FHIT: variants seen among roughly 807,000 people sequenced by gnomAD.
FHIT encodes the protein fragile histidine triad diadenosine triphosphatase.
Under a neutral mutation model 17.9 loss-of-function variants are expected in FHIT, and 19 were observed. The ratio of observed to expected loss-of-function variants is 1.06; its 90% CI spans 0.74 to 1.56. The LOEUF (loss-of-function observed/expected upper bound fraction) is 1.56, where lower values mean the gene tolerates loss of function less well. FHIT is among the 40% of genes most tolerant of loss of function. FHIT has a pLI of 0.00. For synonymous variants in FHIT, 81 were observed against 69.7 expected, an observed-to-expected ratio of 1.16 and a Z score of -0.81; for missense variants, 248 against 189.2, an observed-to-expected ratio of 1.31 and a Z score of -1.82.
chr3:60,213,466 T>C lies in FHIT; in HGVS notation c.104-199314A>G, dbSNP rs879693873. Among the ~76,000 whole-genome samples the C allele has an allele frequency of 2.6e-5, 4 of 152,212 alleles. No homozygotes were observed. In the South Asian group the frequency reaches 6.2e-4, roughly 24 times the overall value. The stretch of plus-strand genomic sequence containing the variant: ...GGGGCATATTCCTGTGATTCAGACA[T>C]TGGACAGACCCAAGTCAAGCTCCCA... On this transcript the variant is annotated intron_variant, in intron 5 of 9. Coordinates refer to ENST00000492590, the MANE Select transcript of FHIT (RefSeq NM_002012.4).
chr3:61,012,925 G>C lies in FHIT; in HGVS notation c.-111+29122C>G, dbSNP rs184834956. Among the ~76,000 whole-genome samples, 450 of 152,002 alleles carry C rather than the reference G, an allele frequency of 3.0e-3. 2 individuals carry two copies. Among genetic ancestry groups the C allele is most frequent in the African/African-American group, 0.011 (442 of 41,540 alleles). On this transcript the variant is annotated intron_variant, in intron 3 of 9. Coordinates refer to ENST00000492590, the MANE Select transcript of FHIT (RefSeq NM_002012.4). ...ACAAATGAATGAAATATGACTTATA[G>C]AGAAAGGAATGGTGCACAATTTTCA...
intron 5 of FHIT, among the ~76,000 whole-genome samples, chr3:60,327,268 G>C (rs1026341697): frequency 3.9e-5 from 6 of 152,192 alleles, no homozygotes; most frequent in African/African-American, 1.4e-4. Context: ...CCCCAGGACT[G>C]GATGACAGAG....
At chr3:59,818,917 A>T (rs2106645151) in intron 8 of FHIT, among the ~76,000 whole-genome samples, 1 of 152,356 alleles carries the variant, frequency 6.6e-6, no homozygotes, top group African/African-American at 2.4e-5. Context: ...ATATGACACT[A>T]GCCCTCGGCT....
chr3:60,084,552 G>A (rs541594998), intron 5 of FHIT, among the ~76,000 whole-genome samples: 9 of 149,588 alleles, frequency 6.0e-5, no homozygotes, highest in Middle Eastern at 3.4e-3. Flanking sequence ...AAGGAGAGAT[G>A]GCATCACATT....
At chr3:59,907,024 C>T (rs1043701438) in intron 8 of FHIT, among the ~76,000 whole-genome samples, 5 of 152,148 alleles carry the variant, frequency 3.3e-5, no homozygotes, top group African/African-American at 9.7e-5. Flanking sequence ...CATAGAATCA[C>T]AAAGTATCAG....
intron 4 of FHIT, among the ~76,000 whole-genome samples, chr3:60,539,184 T>C (rs1325525206): frequency 1.3e-5 from 2 of 151,966 alleles, no homozygotes; most frequent in Non-Finnish European, 2.9e-5. Flanking sequence ...AACAGACACA[T>C]GAAAAAATGC....
At chr3:60,489,039 T>G (rs778176754) in intron 5 of FHIT, among the ~76,000 whole-genome samples, 21 of 152,136 alleles carry the variant, frequency 1.4e-4, no homozygotes, top group Non-Finnish European at 2.5e-4. Context: ...TCCAATGAGT[T>G]GGGATTTCCA....
intron 5 of FHIT, among the ~76,000 whole-genome samples, chr3:60,492,410 G>T (rs957000710): frequency 6.6e-6 from 1 of 152,094 alleles, no homozygotes; most frequent in Admixed American, 6.5e-5. Context: ...TAGGAAAAAG[G>T]TTAAGAAATC....
At chr3:60,107,915 G>A (rs1352605237) in intron 5 of FHIT, among the ~76,000 whole-genome samples, 1 of 152,102 alleles carries the variant, frequency 6.6e-6, no homozygotes, top group Non-Finnish European at 1.5e-5. Context: ...GCTTCCTTGA[G>A]GCATTATCTG....
intron 5 of FHIT, among the ~76,000 whole-genome samples, chr3:60,449,282 T>C (rs913466618): frequency 1.3e-5 from 2 of 152,172 alleles, no homozygotes; most frequent in South Asian, 2.1e-4. Context: ...TAGCCTTTTG[T>C]GCCGAAAAGC....
intron 3 of FHIT, among the ~76,000 whole-genome samples, chr3:61,021,263 G>A (rs182051515): frequency 4.6e-4 from 70 of 152,236 alleles, no homozygotes; most frequent in Non-Finnish European, 6.6e-4. Flanking sequence ...TTCTAAAATT[G>A]ACCACATAAG....
chr3:60,497,851 C>CTGAA (rs2034363896), intron 5 of FHIT, among the ~76,000 whole-genome samples: 1 of 152,190 alleles, frequency 6.6e-6, no homozygotes, highest in African/African-American at 2.4e-5. Flanking sequence ...TTTCTCCCAA[C>CTGAA]CTCATGGGTT....
chr3:60,064,574 A>G (rs959305475), intron 5 of FHIT, among the ~76,000 whole-genome samples: 2 of 152,202 alleles, frequency 1.3e-5, no homozygotes, highest in African/African-American at 4.8e-5. Flanking sequence ...CTACCATGTG[A>G]GCAGCTCTAG....
intron 4 of FHIT, among the ~76,000 whole-genome samples, chr3:60,541,850 G>T (rs900290181): frequency 3.3e-5 from 5 of 152,292 alleles, no homozygotes; most frequent in Middle Eastern, 3.4e-3. Context: ...TTTCTTTCAG[G>T]ATAATGGAAT....
At chr3:60,344,513 C>A (rs756604059) in intron 5 of FHIT, among the ~76,000 whole-genome samples, 16 of 152,152 alleles carry the variant, frequency 1.1e-4, no homozygotes, top group Non-Finnish European at 1.6e-4. Context: ...GAGCCCATAT[C>A]TTCAGCAATG....
rs368368903 is a variant in FHIT at position 60,707,561 on chromosome 3, A to G, written c.-18+114358T>C. Among the ~76,000 whole-genome samples the G allele has an allele frequency of 4.3e-4, 65 of 152,300 alleles. 2 individuals carry two copies. The South Asian group carries it at 0.013, about 30-fold the overall frequency. On this transcript the variant is annotated intron_variant, in intron 4 of 9. Coordinates refer to ENST00000492590, the MANE Select transcript of FHIT (RefSeq NM_002012.4). The stretch of plus-strand genomic sequence containing the variant: ...CTTCCAGGAGATGTCAGATGTCAGT[A>G]ATCAGAGGGAACCCATCTACAGTCA...
intron 5 of FHIT, among the ~76,000 whole-genome samples, chr3:60,518,931 A>G (rs1273679171): frequency 6.6e-6 from 1 of 152,206 alleles, no homozygotes; most frequent in East Asian, 1.9e-4. Flanking sequence ...TGAACCCAGG[A>G]GGTGGAGGTT....
chr3:61,209,616 C>A (rs1217717090), intron 1 of FHIT, among the ~76,000 whole-genome samples: 2 of 152,186 alleles, frequency 1.3e-5, no homozygotes, highest in Non-Finnish European at 2.9e-5. Flanking sequence ...GCTACTGAGG[C>A]TTGTGCGTTC....
chr3:60,445,539 T>C (rs2031270767), intron 5 of FHIT, among the ~76,000 whole-genome samples: 1 of 152,074 alleles, frequency 6.6e-6, no homozygotes, highest in Non-Finnish European at 1.5e-5. Context: ...AAGCTGACTC[T>C]GGTTTACGAA....
Sources: allele counts gnomAD v4.1 joint callset (sites outside exome capture counted in the v4.1 genomes callset), GRCh38; gene constraint gnomAD v4.1.1; transcripts MANE v1.5; gene names NCBI Gene and HGNC (gene_info 2026-07-23, HGNC 2026-07-21).